The following PCDHGB1 variants were observed in gnomAD, a reference collection of about 807,000 sequenced individuals.
PCDHGB1 encodes the protein protocadherin gamma subfamily B, 1.
A neutral mutation model predicts 56.6 loss-of-function variants in PCDHGB1; 34 were observed. The ratio of observed to expected loss-of-function variants is 0.60; its 90% CI spans 0.46 to 0.80. PCDHGB1 has a LOEUF of 0.80. Ranked by LOEUF, PCDHGB1 falls within the 30% of genes least tolerant of loss-of-function variation. PCDHGB1 has a pLI of 0.00. For missense variants in PCDHGB1, 1,278 were observed against 1,204.6 expected (o/e 1.06, Z -0.90); for synonymous variants, 561 against 505.9 (o/e 1.11, Z -1.46).
At chr5:141,421,579 T>A (rs753573473) in intron 1 of PCDHGB1, 1 of 1,613,934 alleles carries the variant, frequency 6.2e-7, no homozygotes, top group Non-Finnish European at 8.5e-7. Flanking sequence ...CTTGAAGATT[T>A]ACGGAGTGGA....
chr5:141,365,971 G>A lies in PCDHGB1; in HGVS notation c.2409+13302G>A, dbSNP rs769584831. 6 of 1,614,218 alleles carry A rather than the reference G, an allele frequency of 3.7e-6. No homozygotes were observed. In the South Asian group the frequency reaches 5.5e-5, roughly 15 times the overall value. On this transcript the variant is annotated intron_variant, in intron 1 of 3. Coordinates refer to ENST00000523390, the MANE Select transcript of PCDHGB1 (RefSeq NM_018922.3). ...ACCCTCCACTTAGCAGCAACGTGTCGCTGAGCCTGTTTGTGCTGGACCAGA... is the reference window on the plus strand; with the variant it reads ...ACCCTCCACTTAGCAGCAACGTGTCACTGAGCCTGTTTGTGCTGGACCAGA...
rs557968224 is a variant in PCDHGB1, at chr5:141,360,941, G to A, written c.2409+8272G>A. On this transcript the variant is annotated intron_variant, in intron 1 of 3. Coordinates refer to ENST00000523390, the MANE Select transcript of PCDHGB1 (RefSeq NM_018922.3). ...GTGCTTCAAGTGACAGCCACCGACC[G>A]GGATGAAGGCATAAACGCAGAGATC... The A allele has an allele frequency of 2.5e-6, 4 of 1,613,946 alleles. No homozygotes were observed. The South Asian group carries it at 3.3e-5, about 13-fold the overall frequency.
chr5:141,450,678 G>C (rs1038323301), intron 1 of PCDHGB1, among the ~76,000 whole-genome samples: 1 of 151,854 alleles, frequency 6.6e-6, no homozygotes, highest in Non-Finnish European at 1.5e-5. Context: ...GTAGAAACGG[G>C]GTTTTGCCAT....
intron 1 of PCDHGB1, chr5:141,382,846 G>T: frequency 1.4e-6 from 2 of 1,475,644 alleles, no homozygotes; most frequent in Non-Finnish European, 9.1e-7. Context: ...GGATACACCC[G>T]CATTCTGAAG....
chr5:141,361,098 A>T (rs1345076438), intron 1 of PCDHGB1: 1 of 1,614,016 alleles, frequency 6.2e-7, no homozygotes, highest in Non-Finnish European at 8.5e-7. Flanking sequence ...GTATCGAAGC[A>T]AAAGATCCTG....
intron 1 of PCDHGB1, chr5:141,417,651 A>C: frequency 1.2e-6 from 1 of 822,038 alleles, no homozygotes; most frequent in African/African-American, 1.7e-5. Context: ...CTCAGCCTCT[A>C]GCCTGGGATT....
rs780685517 is a variant in PCDHGB1 at position 141,489,548 on chromosome 5, T to C, written c.2410-5259T>C. 6.2e-7 allele frequency: 1 copy of C among 1,614,136 alleles called. No individual in the cohort carries two copies. Among genetic ancestry groups the C allele is most frequent in the South Asian group, 1.1e-5 (1 of 91,086 alleles). On this transcript the variant is annotated intron_variant, in intron 1 of 3. Coordinates refer to ENST00000523390, the MANE Select transcript of PCDHGB1 (RefSeq NM_018922.3). This position sits in a 1 kb window ranked among gnomAD's most constrained non-coding sequence, Gnocchi z 4.5. ...CTATGTGGAGCCAGCACCAGCTGCCTGCTGCCAGTGCAGGTGGTGACTGAA... is the reference window on the plus strand; with the variant it reads ...CTATGTGGAGCCAGCACCAGCTGCCCGCTGCCAGTGCAGGTGGTGACTGAA...
intron 1 of PCDHGB1, among the ~76,000 whole-genome samples, chr5:141,458,695 G>A (rs551105765): frequency 2.0e-5 from 3 of 151,852 alleles, no homozygotes; most frequent in Non-Finnish European, 2.9e-5. Context: ...TCAGCCTCCC[G>A]AGTAGCTGGG....
rs73280911 is a variant in PCDHGB1, at chr5:141,446,356, A to C, written c.2410-48451A>C. Among the ~76,000 whole-genome samples the C allele has an allele frequency of 2.0e-5, 3 of 152,188 alleles. No individual in the cohort carries two copies. In the South Asian group the frequency reaches 6.2e-4, roughly 31 times the overall value. On this transcript the variant is annotated intron_variant, in intron 1 of 3. Transcript: ENST00000523390. ...ACTGGATGGACAAAGCTACCATTTGATGAGAATGGAAGACTAAAGAATGAT... is the reference window on the plus strand; with the variant it reads ...ACTGGATGGACAAAGCTACCATTTGCTGAGAATGGAAGACTAAAGAATGAT...
intron 1 of PCDHGB1, among the ~76,000 whole-genome samples, chr5:141,456,946 G>A (rs182320066): frequency 2.3e-4 from 35 of 152,284 alleles, no homozygotes; most frequent in Admixed American, 2.3e-3. Context: ...CTGGGCAACA[G>A]AGCAAAACTC....
chr5:141,360,230 A>G (rs1761484495), intron 1 of PCDHGB1: 1 of 1,613,852 alleles, frequency 6.2e-7, no homozygotes, highest in Non-Finnish European at 8.5e-7. Flanking sequence ...CTCCCAGTCC[A>G]GATCCGCTAT....
intron 1 of PCDHGB1, chr5:141,393,480 T>G (rs1026854698): frequency 5.0e-6 from 8 of 1,613,942 alleles, no homozygotes; most frequent in Non-Finnish European, 6.8e-6. Context: ...GCCGCCTCGC[T>G]CTAGCACAGT....
intron 1 of PCDHGB1, among the ~76,000 whole-genome samples, chr5:141,445,441 C>G (rs1201825256): frequency 6.6e-6 from 1 of 152,152 alleles, no homozygotes; most frequent in East Asian, 1.9e-4. Context: ...GACCTATGGA[C>G]TAAGGATGCA....
chr5:141,393,565 T>G, intron 1 of PCDHGB1: 1 of 1,613,912 alleles, frequency 6.2e-7, no homozygotes, highest in Non-Finnish European at 8.5e-7. Context: ...CGAGTGAAAG[T>G]CCTTGAGAAC....
chr5:141,379,623 A>G (rs1775713746), intron 1 of PCDHGB1: 1 of 152,198 alleles, frequency 6.6e-6, no homozygotes, highest in African/African-American at 2.4e-5. Flanking sequence ...AACAAATAAA[A>G]TATTTCTCTG....
intron 1 of PCDHGB1, chr5:141,389,156 T>C (rs2091626888): frequency 6.2e-7 from 1 of 1,613,950 alleles, no homozygotes; most frequent in Non-Finnish European, 8.5e-7. Flanking sequence ...CGGCAACAGA[T>C]CGGGGCAAGC....
chr5:141,404,682 T>G lies in PCDHGB1; in HGVS notation c.2409+52013T>G, dbSNP rs766278950. 2.5e-6 allele frequency: 4 copies of G among 1,613,914 alleles called. No individual in the cohort carries two copies. Among genetic ancestry groups the G allele is most frequent in the Non-Finnish European group, 2.5e-6 (3 of 1,179,906 alleles). On this transcript the variant is annotated intron_variant, in intron 1 of 3. Coordinates refer to ENST00000523390, the MANE Select transcript of PCDHGB1 (RefSeq NM_018922.3). ...ACTGATGGTTCTACTGGTGTGGAGC[T>G]GGCACCCCGCTCTGCAGAGCCTGGC...
At chr5:141,483,501 G>C (rs1022338958) in intron 1 of PCDHGB1, among the ~76,000 whole-genome samples, 2 of 150,394 alleles carry the variant, frequency 1.3e-5, no homozygotes, top group African/African-American at 4.9e-5. Context: ...ATGAGTCAAG[G>C]CTGATCCCCC....
intron 1 of PCDHGB1, chr5:141,478,165 C>A: frequency 1.2e-6 from 2 of 1,614,038 alleles, no homozygotes; most frequent in Non-Finnish European, 1.7e-6. Context: ...GCTCTGCCCC[C>A]CGGGAGCAGA....
Sources: allele counts gnomAD v4.1 joint callset (sites outside exome capture counted in the v4.1 genomes callset), GRCh38; gene constraint gnomAD v4.1.1; non-coding constraint Gnocchi (gnomAD v3.1); transcripts MANE v1.5; gene names NCBI Gene and HGNC (gene_info 2026-07-23, HGNC 2026-07-21).